Variants in L3MBTL4 observed in about 807,000 individuals in gnomAD.
L3MBTL4 encodes lethal(3)malignant brain tumor-like protein 4.
Under a neutral mutation model 84.5 loss-of-function variants are expected in L3MBTL4, and 70 were observed. The ratio of observed to expected loss-of-function variants is 0.83; its 90% confidence interval spans 0.68 to 1.01. L3MBTL4 has a LOEUF of 1.01. Among genes scored for constraint, L3MBTL4 ranks in the 50% least tolerant of loss-of-function variants. L3MBTL4 has a pLI of 0.00. For synonymous variants in L3MBTL4, 274 were observed against 259.8 expected (o/e 1.05, Z -0.52); for missense variants, 715 against 754.8 (o/e 0.95, Z 0.62).
intron 14 of L3MBTL4, among the ~76,000 whole-genome samples, chr18:6,127,818 T>C (rs6506363): frequency 0.61 from 92,355 of 151,902 alleles, 29,896 homozygotes; most frequent in African/African-American, 0.85. Flanking sequence ...GGGGAGGCTC[T>C]TCTGCAGTGT....
rs1214330288 is a variant in L3MBTL4, at chr18:6,089,820, A to G, written c.1373+3535T>C. Among the ~76,000 whole-genome samples the G allele has an allele frequency of 4.6e-5, 7 of 152,216 alleles. No homozygotes were observed. In the East Asian group the frequency reaches 1.2e-3, roughly 25 times the overall value. On this transcript the variant is annotated intron_variant, in intron 15 of 18. Coordinates refer to ENST00000317931, the MANE Select transcript of L3MBTL4 (RefSeq NM_001330559.2). ...GTTATTATCATTGATATTTCTGGCA[A>G]TATGATTGCTAATGTACTGTACTGA...
At chr18:6,304,030 C>CAA (rs775365285) in intron 3 of L3MBTL4, among the ~76,000 whole-genome samples, 24 of 133,716 alleles carry the variant, frequency 1.8e-4, no homozygotes, top group African/African-American at 4.0e-4. Flanking sequence ...AAAAAAAAAA[C>CAA]AAAAAAAAAA....
intron 4 of L3MBTL4, among the ~76,000 whole-genome samples, chr18:6,272,618 G>T (rs2048931903): frequency 1.2e-5 from 1 of 83,454 alleles, no homozygotes; most frequent in Non-Finnish European, 2.5e-5. Flanking sequence ...GGCGCCTTCA[G>T]GAGCACGGGG....
At chr18:6,215,932 T>G in intron 10 of L3MBTL4, 97 bp from the exon 11 acceptor site, 1 of 624,526 alleles carries the variant, frequency 1.6e-6, no homozygotes, top group Non-Finnish European at 2.7e-6. Context: ...CTAATGTTAA[T>G]TGAATGCTCA....
At chr18:6,291,615 A>G (rs2146704149) in intron 4 of L3MBTL4, among the ~76,000 whole-genome samples, 1 of 152,336 alleles carries the variant, frequency 6.6e-6, no homozygotes, top group South Asian at 2.1e-4. Context: ...ATTCGCTTCA[A>G]TAAATGGTGC....
intron 16 of L3MBTL4, among the ~76,000 whole-genome samples, chr18:6,074,905 A>G (rs1280936282): frequency 1.3e-5 from 2 of 152,138 alleles, no homozygotes; most frequent in African/African-American, 4.8e-5. Context: ...GAAAATTCAC[A>G]TGATCATCTC....
intron 16 of L3MBTL4, among the ~76,000 whole-genome samples, chr18:6,056,408 C>T (rs915573891): frequency 6.6e-6 from 1 of 152,134 alleles, no homozygotes; most frequent in African/African-American, 2.4e-5. Context: ...ACCACATGGG[C>T]CCCTGCTAGG....
At chr18:5,963,611 G>C (rs553115900) in intron 17 of L3MBTL4, among the ~76,000 whole-genome samples, 2 of 152,372 alleles carry the variant, frequency 1.3e-5, no homozygotes, top group Non-Finnish European at 2.9e-5. Flanking sequence ...TAAGGAAAAA[G>C]TTCCATGAAC....
chr18:5,991,414 G>A (rs146011920), intron 16 of L3MBTL4, among the ~76,000 whole-genome samples: 165 of 152,240 alleles, frequency 1.1e-3, no homozygotes, highest in African/African-American at 3.8e-3. Flanking sequence ...AGATGAACAC[G>A]GCTTTGCCTT....
At chr18:6,071,683 G>GAA (rs1158717199) in intron 16 of L3MBTL4, among the ~76,000 whole-genome samples, 9 of 102,244 alleles carry the variant, frequency 8.8e-5, no homozygotes, top group African/African-American at 5.4e-4. Context: ...AAAAGAAAGA[G>GAA]AGAAAGAAAG....
chr18:6,248,347 C>T (rs1232816901), intron 5 of L3MBTL4, among the ~76,000 whole-genome samples: 3 of 152,164 alleles, frequency 2.0e-5, no homozygotes, highest in African/African-American at 4.8e-5. Context: ...AAACTGTGCT[C>T]GTGAACTACT....
At chr18:6,247,196 C>T (rs892643370) in intron 5 of L3MBTL4, among the ~76,000 whole-genome samples, 1 of 152,062 alleles carries the variant, frequency 6.6e-6, no homozygotes, top group Admixed American at 6.6e-5. Context: ...CTTGCAAAAC[C>T]ATAACTCAGT....
chr18:6,206,318 C>A (rs529385617), intron 12 of L3MBTL4, among the ~76,000 whole-genome samples: 1 of 152,336 alleles, frequency 6.6e-6, no homozygotes, highest in East Asian at 1.9e-4. Flanking sequence ...TTAAGAACAA[C>A]TAGTGCTACA....
At chr18:6,207,150 CAG>C (rs945839083) in intron 12 of L3MBTL4, among the ~76,000 whole-genome samples, 1 of 152,158 alleles carries the variant, frequency 6.6e-6, no homozygotes, top group Non-Finnish European at 1.5e-5. Flanking sequence ...ATGCAAATTT[CAG>C]AGTCATTTAT....
intron 4 of L3MBTL4, among the ~76,000 whole-genome samples, chr18:6,285,809 A>ATATTATTATCAT (rs1555716255): frequency 4.9e-5 from 7 of 143,232 alleles, no homozygotes; most frequent in African/African-American, 1.8e-4. Flanking sequence ...TTTAAAAGAT[A>ATATTATTATCAT]TATTATTATT....
At chr18:5,999,700 T>C (rs892811248) in intron 16 of L3MBTL4, among the ~76,000 whole-genome samples, 1 of 152,022 alleles carries the variant, frequency 6.6e-6, no homozygotes, top group Non-Finnish European at 1.5e-5. Context: ...AATATATCTG[T>C]AAAAAGGGCC....
At chr18:6,401,360 T>C (rs538688915) in intron 1 of L3MBTL4, among the ~76,000 whole-genome samples, 1 of 152,282 alleles carries the variant, frequency 6.6e-6, no homozygotes, top group East Asian at 1.9e-4. Flanking sequence ...TTTGACTAGA[T>C]GTCAAAAACC....
chr18:6,366,035 C>T (rs1568560203), intron 1 of L3MBTL4, among the ~76,000 whole-genome samples: 1 of 152,210 alleles, frequency 6.6e-6, no homozygotes, highest in African/African-American at 2.4e-5. Context: ...CCGTGGCATA[C>T]TTCTGTAACC....
At chr18:6,047,651 C>A (rs1358645487) in intron 16 of L3MBTL4, among the ~76,000 whole-genome samples, 1 of 152,142 alleles carries the variant, frequency 6.6e-6, no homozygotes, top group Non-Finnish European at 1.5e-5. Context: ...AAACAAAAAT[C>A]ATATGATCAC....
Sources: allele counts gnomAD v4.1 joint callset (sites outside exome capture counted in the v4.1 genomes callset), GRCh38; gene constraint gnomAD v4.1.1; transcripts MANE v1.5; gene names NCBI Gene and HGNC (gene_info 2026-07-23, HGNC 2026-07-21).